Variants in PLCB1 observed in about 807,000 individuals in gnomAD.
PLCB1 encodes the protein phospholipase C beta 1.
A neutral mutation model predicts 161.8 loss-of-function variants in PLCB1; 46 were observed. The observed-to-expected ratio is 0.28, with a 90% CI of 0.22 to 0.36. PLCB1 has a LOEUF of 0.36. PLCB1 is among the 10% of genes least tolerant of loss of function. The pLI, the probability that PLCB1 is intolerant of heterozygous loss-of-function variation, is 1.00. For missense variants in PLCB1, 1,016 were observed against 1,472.5 expected (o/e 0.69, Z 5.07); for synonymous variants, 517 against 503.7 (o/e 1.03, Z -0.35).
chr20:8,170,177 G>A (rs955809743), intron 2 of PLCB1, among the ~76,000 whole-genome samples: 6 of 152,148 alleles, frequency 3.9e-5, no homozygotes, highest in Non-Finnish European at 5.9e-5. Context: ...TCTAGTTGGG[G>A]AAACCTACCA....
At chr20:8,555,437 C>A (rs1167121141) in intron 3 of PLCB1, among the ~76,000 whole-genome samples, 3 of 152,064 alleles carry the variant, frequency 2.0e-5, no homozygotes, top group Non-Finnish European at 4.4e-5. Context: ...AACTCATAGA[C>A]TGAGGCCATC....
chr20:8,801,716 G>C (rs56148227), intron 31 of PLCB1, among the ~76,000 whole-genome samples: 38,324 of 152,144 alleles, frequency 0.25, 4,880 homozygotes, highest in Middle Eastern at 0.32. Context: ...ACAAACAGCT[G>C]TCAATCATTC....
intron 3 of PLCB1, among the ~76,000 whole-genome samples, chr20:8,429,516 A>G (rs1046638871): frequency 6.6e-6 from 1 of 152,066 alleles, no homozygotes; most frequent in African/African-American, 2.4e-5. Context: ...TAATAGAGTC[A>G]AGCGCCATGC....
At chr20:8,387,096 TTG>T (rs1317094460) in intron 3 of PLCB1, among the ~76,000 whole-genome samples, 1 of 152,246 alleles carries the variant, frequency 6.6e-6, no homozygotes, top group Non-Finnish European at 1.5e-5. Flanking sequence ...TTCTTATCAT[TTG>T]TGTGTTCACT....
chr20:8,617,605 T>C (rs922568046), intron 3 of PLCB1, among the ~76,000 whole-genome samples: 3 of 152,134 alleles, frequency 2.0e-5, no homozygotes, highest in African/African-American at 7.2e-5. Flanking sequence ...TTATTGTTTG[T>C]TTTGATTTGT....
intron 31 of PLCB1, among the ~76,000 whole-genome samples, chr20:8,791,900 G>A (rs994671606): frequency 2.6e-5 from 4 of 152,166 alleles, no homozygotes; most frequent in African/African-American, 9.7e-5. Flanking sequence ...TTTATTAACA[G>A]TCAGGGTGCA....
At chr20:8,608,203 A>G (rs1485473882) in intron 3 of PLCB1, among the ~76,000 whole-genome samples, 2 of 152,204 alleles carry the variant, frequency 1.3e-5, no homozygotes, top group Non-Finnish European at 2.9e-5. Flanking sequence ...AACCATAAAT[A>G]CATGTTTAAA....
At position 8,419,887 on chromosome 20, in the gene PLCB1, AGACTT is replaced by A. The variant is rs547706339; in HGVS notation, c.246+48438_246+48442del. 3.3e-3 allele frequency among the ~76,000 whole-genome samples: 506 copies of A among 152,314 alleles called. 1 individual carries two copies. Among genetic ancestry groups the A allele is most frequent in the African/African-American group, 0.012 (487 of 41,570 alleles). ...TGAATTTTTTTAAGATAACTATACT[AGACTT>A]AATGTTGTGGTGGGTTTGTGACTGT... On this transcript the variant is annotated intron_variant, in intron 3 of 31. Transcript: ENST00000338037.
At chr20:8,490,757 A>G (rs1982909882) in intron 3 of PLCB1, among the ~76,000 whole-genome samples, 1 of 152,008 alleles carries the variant, frequency 6.6e-6, no homozygotes, top group Non-Finnish European at 1.5e-5. Context: ...CTTATTTGCC[A>G]TCCCAGTTTC....
At chr20:8,866,098 A>G (rs1259257732) in intron 31 of PLCB1, among the ~76,000 whole-genome samples, 2 of 152,234 alleles carry the variant, frequency 1.3e-5, no homozygotes, top group African/African-American at 4.8e-5. Flanking sequence ...GAGGATTTCT[A>G]TAAAAACAAC....
At chr20:8,589,555 A>C (rs1245035141) in intron 3 of PLCB1, among the ~76,000 whole-genome samples, 4 of 141,668 alleles carry the variant, frequency 2.8e-5, no homozygotes, top group Non-Finnish European at 6.1e-5. Context: ...CCATCTTCTT[A>C]TTGTGTCCTC....
chr20:8,471,100 A>G (rs114263465), intron 3 of PLCB1, among the ~76,000 whole-genome samples: 1,766 of 152,336 alleles, frequency 0.012, 33 homozygotes, highest in African/African-American at 0.039. Context: ...GTTCTAATAC[A>G]GTATTTAATC....
At position 8,134,192 on chromosome 20, in the gene PLCB1, C is replaced by T. The variant is rs145860749; in HGVS notation, c.99+1442C>T. On this transcript the variant is annotated intron_variant, in intron 1 of 31. Transcript: ENST00000338037. ...ATAGAATCTAAACAATAAATTCAGA[C>T]GCAGATTAAATGCTTTGTGTCAGGG... 4.2e-3 allele frequency among the ~76,000 whole-genome samples: 642 copies of T among 152,124 alleles called. 7 individuals carry two copies. Among genetic ancestry groups the T allele is most frequent in the African/African-American group, 0.015 (604 of 41,474 alleles).
chr20:8,363,787 A>C (rs1319540652), intron 2 of PLCB1, among the ~76,000 whole-genome samples: 1 of 152,166 alleles, frequency 6.6e-6, no homozygotes, highest in Admixed American at 6.5e-5. Flanking sequence ...GAGATTTGTG[A>C]GGAAATTGTG....
intron 18 of PLCB1, among the ~76,000 whole-genome samples, chr20:8,730,481 GT>G (rs1980179758): frequency 6.6e-6 from 1 of 151,600 alleles, no homozygotes; most frequent in Non-Finnish European, 1.5e-5. Flanking sequence ...ATAACTCACT[GT>G]TTTTACTGTA....
At position 8,420,124 on chromosome 20, in the gene PLCB1, T is replaced by C. The variant is rs75373453; in HGVS notation, c.246+48674T>C. ...TTTACAACAGAGAAAGCCCTTAATT[T>C]CCTTACCTGTAAAATCTGAGTAATA... On this transcript the variant is annotated intron_variant, in intron 3 of 31. Transcript: ENST00000338037. Among the ~76,000 whole-genome samples, 1,070 of 152,278 alleles carry C rather than the reference T, an allele frequency of 7.0e-3. 11 individuals are homozygous for C. Among genetic ancestry groups the C allele is most frequent in the Middle Eastern group, 0.02 (6 of 294 alleles).
chr20:8,870,923 G>A (rs1314444881), intron 31 of PLCB1, among the ~76,000 whole-genome samples: 1 of 152,218 alleles, frequency 6.6e-6, no homozygotes, highest in Non-Finnish European at 1.5e-5. Context: ...TTTGTCTAAA[G>A]TGGTGCTATT....
intron 2 of PLCB1, among the ~76,000 whole-genome samples, chr20:8,158,984 G>GT (rs56884284): frequency 0.41 from 61,685 of 151,742 alleles, 12,576 homozygotes; most frequent in Middle Eastern, 0.46. Context: ...CATGGTGCAA[G>GT]TTGTAGGTGG....
chr20:8,198,476 G>T (rs1342101058), intron 2 of PLCB1, among the ~76,000 whole-genome samples: 2 of 152,044 alleles, frequency 1.3e-5, no homozygotes, highest in Non-Finnish European at 2.9e-5. Context: ...CAGCAATGGG[G>T]CTCTCTTACC....
Sources: gnomAD v4.1 joint callset for allele counts (sites outside exome capture counted in the v4.1 genomes callset) on GRCh38, gnomAD v4.1.1 for gene constraint, MANE v1.5 for transcripts, NCBI Gene and HGNC (gene_info 2026-07-23, HGNC 2026-07-21) for gene names.